MS4A8: variants seen among roughly 807,000 people sequenced by gnomAD.
MS4A8 encodes membrane spanning 4-domains A8, also known as membrane-spanning 4-domains subfamily A member 8.
MS4A8 carries 27 observed loss-of-function variants against 23.7 expected under a neutral mutation model. The ratio of observed to expected loss-of-function variants is 1.14; its 90% CI spans 0.84 to 1.57. MS4A8 has a LOEUF of 1.57. Ranked by LOEUF, MS4A8 falls within the 40% of genes most tolerant of loss-of-function variation. MS4A8 has a pLI of 0.00. For synonymous variants in MS4A8, 138 were observed against 126.3 expected (o/e 1.09, Z -0.62); for missense variants, 301 against 311.4 (o/e 0.97, Z 0.25).
At chr11:60,708,927 C>A in intron 5 of MS4A8, 146 bp downstream of exon 5, 3 of 937,822 alleles carry the variant, frequency 3.2e-6, no homozygotes, top group South Asian at 3.0e-5. Flanking sequence ...ATTTTAAAGT[C>A]CTTGACCCAT....
Position 60,715,340 on chromosome 11 carries a change from G to A in MS4A8, c.679G>A (p.Ala227Thr). 1 of 1,613,970 alleles carries A rather than the reference G, an allele frequency of 6.2e-7. No homozygotes were observed. Among genetic ancestry groups the A allele is most frequent in the Non-Finnish European group, 8.5e-7 (1 of 1,179,996 alleles). Residue 227 changes from alanine (A) to threonine (T), a missense_variant, in exon 7 of 7, where the codon GCA becomes ACA. Ala to Thr is a moderately conservative substitution (Grantham distance 58). Coordinates refer to ENST00000300226, the MANE Select transcript of MS4A8 (RefSeq NM_031457.2). Reference protein sequence around the residue: ...VSVIYPNIYAANPVITPEPVT... With the variant: ...VSVIYPNIYATNPVITPEPVT... Reference sequence around the variant, plus strand: ...TGTCATCTATCCAAACATCTATGCAGCAAACCCAGTGATCACCCCAGAACC... The same window carrying A: ...TGTCATCTATCCAAACATCTATGCAACAAACCCAGTGATCACCCCAGAACC...
chr11:60,713,485 G>T lies in MS4A8; in HGVS notation c.535-1536G>T, dbSNP rs947862620. On this transcript the variant is annotated intron_variant, in intron 5 of 6. Coordinates refer to ENST00000300226, the MANE Select transcript of MS4A8 (RefSeq NM_031457.2). ...AAGAAAAAAGTGCTGTGCTTTTGAT[G>T]TGCATATACATAAACATCTCAATGC... 3.9e-5 allele frequency among the ~76,000 whole-genome samples: 6 copies of T among 152,276 alleles called. No individual in the cohort carries two copies. The South Asian group carries it at 1.0e-3, about 26-fold the overall frequency.
At chr11:60,708,873 A>C in intron 5 of MS4A8, 92 bp downstream of exon 5, 1 of 1,479,914 alleles carries the variant, frequency 6.8e-7, no homozygotes, top group Non-Finnish European at 9.4e-7. Flanking sequence ...AAGCTACCTC[A>C]CTGAACATGG....
chr11:60,704,214 G>A (rs966785698), intron 3 of MS4A8, among the ~76,000 whole-genome samples: 5 of 142,374 alleles, frequency 3.5e-5, no homozygotes, highest in African/African-American at 1.3e-4. Context: ...TCCCCCTCCC[G>A]GATTCAAGCA....
In MS4A8 at chr11:60,715,453, A is replaced by G. The variant is rs769125362; in HGVS notation, c.*39A>G. 4 of 1,535,568 alleles carry G rather than the reference A, an allele frequency of 2.6e-6. No individual in the cohort carries two copies. The highest frequency in any genetic ancestry group is 3.6e-6 in the Non-Finnish European group (4 of 1,112,970). On this transcript the variant is annotated 3_prime_UTR_variant, in exon 7 of 7. Transcript: ENST00000300226. ...GGAAGCATCTTTCACTGGGACCAAAAGAAGTCCTCCTCCCTTTCTGGGCTT... is the reference window on the plus strand; with the variant it reads ...GGAAGCATCTTTCACTGGGACCAAAGGAAGTCCTCCTCCCTTTCTGGGCTT...
In MS4A8 at chr11:60,700,973, A is replaced by G. The variant is rs753395781; in HGVS notation, c.113A>G (p.Asn38Ser). 1.9e-6 allele frequency: 3 copies of G among 1,614,170 alleles called. No individual in the cohort carries two copies. The highest frequency in any genetic ancestry group is 3.3e-5 in the Admixed American group (2 of 60,022). Residue 38 changes from asparagine (N) to serine (S), a missense_variant, in exon 2 of 7, where the codon AAC becomes AGC. Coordinates refer to ENST00000300226, the MANE Select transcript of MS4A8 (RefSeq NM_031457.2). ...ATGTCTCACGTGCCCCTGTATCCAA[A>G]CAGCCAGCCGCAAGTCCACCTAGTT... ...GIMSHVPLYPNSQPQVHLVPG... is the reference protein window; with the variant it reads ...GIMSHVPLYPSSQPQVHLVPG...
At chr11:60,701,986 G>C (rs139073708) in intron 2 of MS4A8, among the ~76,000 whole-genome samples, 1 of 152,284 alleles carries the variant, frequency 6.6e-6, no homozygotes, top group East Asian at 1.9e-4. Flanking sequence ...AAGAAAGTAA[G>C]GGGCAGACAC....
At chr11:60,709,045 A>G (rs1590954599) in intron 5 of MS4A8, 1 of 393,838 alleles carries the variant, frequency 2.5e-6, no homozygotes, top group Admixed American at 3.9e-5. Flanking sequence ...AAGAATGCAT[A>G]TGTGCCCACC....
intron 1 of MS4A8, among the ~76,000 whole-genome samples, chr11:60,700,577 GAC>G (rs1342960909): frequency 4.6e-5 from 7 of 151,996 alleles, no homozygotes; most frequent in African/African-American, 1.7e-4. Context: ...CACTATGAGA[GAC>G]ACAAAGATGG....
chr11:60,708,874 C>T, intron 5 of MS4A8, 93 bp downstream of exon 5: 2 of 1,473,618 alleles, frequency 1.4e-6, no homozygotes, highest in Admixed American at 3.4e-5. Flanking sequence ...AGCTACCTCA[C>T]TGAACATGGT....
intron 6 of MS4A8, 82 bp from the exon 7 acceptor site, chr11:60,715,228 A>T: frequency 6.7e-7 from 1 of 1,486,624 alleles, no homozygotes; most frequent in South Asian, 1.1e-5. Context: ...GCTCAGGAGC[A>T]GGAGTAGTTC....
intron 3 of MS4A8, among the ~76,000 whole-genome samples, chr11:60,704,278 G>A (rs1210717176): frequency 2.6e-5 from 4 of 151,512 alleles, no homozygotes; most frequent in Non-Finnish European, 4.4e-5. Context: ...GCACCACCAC[G>A]CCCGGCTAAT....
At position 60,703,464 on chromosome 11, in the gene MS4A8, A is replaced by T. The variant is rs776435378; in HGVS notation, c.306A>T (p.Ser102=). ...TCGTAGGGGAATACCTGTCTATTTC[A>T]TTCTACGGAGGCTTTCCCTTCTGGG... The part of the protein sequence containing the change: ...TVLVGEYLSI[S]FYGGFPFWGG... The change falls in exon 3 of 7, where the codon TCA becomes TCT. Residue 102 remains serine (S), a synonymous_variant. Coordinates refer to ENST00000300226, the MANE Select transcript of MS4A8 (RefSeq NM_031457.2). The T allele has an allele frequency of 6.2e-7, 1 of 1,608,822 alleles. No individual in the cohort carries two copies. Among genetic ancestry groups the T allele is most frequent in the Non-Finnish European group, 8.5e-7 (1 of 1,178,016 alleles).
intron 2 of MS4A8, chr11:60,701,326 G>A (rs778771770): frequency 1.1e-5 from 7 of 611,532 alleles, no homozygotes; most frequent in Non-Finnish European, 1.8e-5. Context: ...AAAGCAGCAC[G>A]CTTGAAGGTT....
intron 2 of MS4A8, among the ~76,000 whole-genome samples, chr11:60,702,455 C>T (rs376831070): frequency 1.3e-5 from 2 of 152,134 alleles, no homozygotes; most frequent in African/African-American, 4.8e-5. Flanking sequence ...CAGGCTGGAG[C>T]GCAGTGGCGC....
intron 3 of MS4A8, among the ~76,000 whole-genome samples, chr11:60,704,726 C>G (rs1002283635): frequency 1.2e-4 from 19 of 152,056 alleles, no homozygotes; most frequent in African/African-American, 4.6e-4. Context: ...TCAGAGTGAT[C>G]CGTGACTCCA....
chr11:60,709,146 G>C (rs986619927), intron 5 of MS4A8: 1 of 265,952 alleles, frequency 3.8e-6, no homozygotes, highest in Non-Finnish European at 7.3e-6. Context: ...CCAATAGTAA[G>C]CAGTTAAGGT....
At chr11:60,714,414 TCTC>T (rs1388493496) in intron 5 of MS4A8, among the ~76,000 whole-genome samples, 2 of 151,742 alleles carry the variant, frequency 1.3e-5, no homozygotes, top group Non-Finnish European at 2.9e-5. Flanking sequence ...CAAAATGGAG[TCTC>T]CTATGTCTAC....
intron 4 of MS4A8, 91 bp from the exon 5 acceptor site, chr11:60,708,559 T>C (rs1291260438): frequency 1.2e-5 from 16 of 1,352,698 alleles, no homozygotes; most frequent in Non-Finnish European, 9.8e-6. Flanking sequence ...ATTTTAGAAA[T>C]TGGGGGGAAA....
Sources: allele counts gnomAD v4.1 joint callset (sites outside exome capture counted in the v4.1 genomes callset), GRCh38; gene constraint gnomAD v4.1.1; transcripts MANE v1.5; gene names NCBI Gene and HGNC (gene_info 2026-07-23, HGNC 2026-07-21).